THSD7B: variants seen among roughly 807,000 people sequenced by gnomAD.
The protein encoded by THSD7B is thrombospondin type 1 domain containing 7B.
In THSD7B, 138 loss-of-function variants were observed where a neutral mutation model predicts 213.6. The observed-to-expected ratio is 0.65, with a 90% CI of 0.56 to 0.74. The LOEUF (loss-of-function observed/expected upper bound fraction) is 0.74. Among genes scored for constraint, THSD7B ranks in the 30% least tolerant of loss-of-function variants. THSD7B has a pLI of 0.00. For synonymous variants in THSD7B, 742 were observed against 687.0 expected (o/e 1.08, Z -1.25); for missense variants, 1,931 against 1,991.5 (o/e 0.97, Z 0.58).
chr2:137,430,310 C>A (rs1224396228), intron 14 of THSD7B, among the ~76,000 whole-genome samples: 1 of 152,020 alleles, frequency 6.6e-6, no homozygotes, highest in Non-Finnish European at 1.5e-5. Context: ...TAAGCATAAC[C>A]TTATGCTTAC....
At chr2:136,934,752 C>T (rs1037453813) in intron 2 of THSD7B, among the ~76,000 whole-genome samples, 3 of 152,096 alleles carry the variant, frequency 2.0e-5, no homozygotes, top group Admixed American at 6.5e-5. Context: ...TGTAGTGGAG[C>T]AACAATAGAT....
chr2:136,853,730 G>A (rs998998968), intron 1 of THSD7B, among the ~76,000 whole-genome samples: 1 of 152,150 alleles, frequency 6.6e-6, no homozygotes, highest in Non-Finnish European at 1.5e-5. Flanking sequence ...ATTGCCAAAT[G>A]GTGATTACCT....
At chr2:137,315,371 C>A (rs1403649245) in intron 12 of THSD7B, among the ~76,000 whole-genome samples, 2 of 152,162 alleles carry the variant, frequency 1.3e-5, no homozygotes, top group Non-Finnish European at 2.9e-5. Context: ...TCGGCTCATG[C>A]ACAGTGCGCG....
chr2:137,013,210 A>G (rs541022745), intron 2 of THSD7B, among the ~76,000 whole-genome samples: 1 of 152,344 alleles, frequency 6.6e-6, no homozygotes, highest in South Asian at 2.1e-4. Context: ...TTACTCTCTT[A>G]GCTGAAACAA....
chr2:137,244,736 G>A (rs1379089250), intron 10 of THSD7B, among the ~76,000 whole-genome samples: 3 of 151,948 alleles, frequency 2.0e-5, no homozygotes, highest in African/African-American at 7.3e-5. Context: ...GACCTACAGA[G>A]GCAAAGATTC....
chr2:137,128,797 G>A (rs190217386), intron 5 of THSD7B, among the ~76,000 whole-genome samples: 34 of 152,278 alleles, frequency 2.2e-4, no homozygotes, highest in African/African-American at 8.2e-4. Context: ...TTACTCACTA[G>A]TCTAATTTCT....
intron 2 of THSD7B, among the ~76,000 whole-genome samples, chr2:137,032,380 A>G (rs1185879883): frequency 6.6e-6 from 1 of 152,192 alleles, no homozygotes; most frequent in Admixed American, 6.5e-5. Context: ...ATCTCTGTAT[A>G]TACTTGCAAC....
At chr2:137,002,879 G>T (rs1686027799) in intron 2 of THSD7B, among the ~76,000 whole-genome samples, 2 of 152,176 alleles carry the variant, frequency 1.3e-5, no homozygotes, top group African/African-American at 2.4e-5. Flanking sequence ...ATACCAAGTA[G>T]ATTTTATTTA....
intron 2 of THSD7B, among the ~76,000 whole-genome samples, chr2:136,885,018 T>C (rs974718335): frequency 6.6e-6 from 1 of 152,134 alleles, no homozygotes; most frequent in African/African-American, 2.4e-5. Context: ...TACGGATGAG[T>C]TTAGTGTATT....
At chr2:137,474,704 A>G (rs1018884347) in intron 15 of THSD7B, among the ~76,000 whole-genome samples, 1 of 152,200 alleles carries the variant, frequency 6.6e-6, no homozygotes, top group Non-Finnish European at 1.5e-5. Context: ...ATGGAATCCA[A>G]TAGTCGTCCC....
At chr2:136,905,486 A>G (rs894239384) in intron 2 of THSD7B, among the ~76,000 whole-genome samples, 1 of 152,230 alleles carries the variant, frequency 6.6e-6, no homozygotes, top group African/African-American at 2.4e-5. Context: ...TATAATAGCT[A>G]TGTATACTAA....
chr2:136,999,541 C>T (rs1270452903), intron 2 of THSD7B, among the ~76,000 whole-genome samples: 1 of 150,458 alleles, frequency 6.6e-6, no homozygotes, highest in Non-Finnish European at 1.5e-5. Context: ...CTGAATTCAC[C>T]CTCGGAATTT....
intron 2 of THSD7B, among the ~76,000 whole-genome samples, chr2:136,883,743 G>T (rs1416554534): frequency 6.6e-6 from 1 of 152,082 alleles, no homozygotes. Context: ...GGAACAAGAT[G>T]GTAAAAACAA....
chr2:136,966,852 A>G (rs572514537), intron 2 of THSD7B, among the ~76,000 whole-genome samples: 5 of 152,302 alleles, frequency 3.3e-5, no homozygotes, highest in East Asian at 3.9e-4. Flanking sequence ...GTTCCAAGAT[A>G]TAGCTCAAAA....
intron 12 of THSD7B, among the ~76,000 whole-genome samples, chr2:137,370,472 G>A (rs978380279): frequency 1.3e-5 from 2 of 151,930 alleles, no homozygotes; most frequent in African/African-American, 4.8e-5. Context: ...GAATGATAAG[G>A]GTTTTGTTTT....
intron 1 of THSD7B, among the ~76,000 whole-genome samples, chr2:136,880,729 C>G (rs1031821364): frequency 6.6e-6 from 1 of 152,126 alleles, no homozygotes; most frequent in African/African-American, 2.4e-5. Flanking sequence ...TATGACTTCT[C>G]AAGTCTCTCC....
chr2:137,372,958 TG>T (rs1685564994), intron 12 of THSD7B, among the ~76,000 whole-genome samples: 1 of 151,456 alleles, frequency 6.6e-6, no homozygotes, highest in African/African-American at 2.4e-5. Flanking sequence ...TTTGGTTTTT[TG>T]TTCTTGCGAT....
chr2:137,334,110 G>A (rs1684580143), intron 12 of THSD7B, among the ~76,000 whole-genome samples: 1 of 152,112 alleles, frequency 6.6e-6, no homozygotes, highest in African/African-American at 2.4e-5. Context: ...TTGCAGACAG[G>A]ACAGATTTGA....
At chr2:136,931,867 G>A (rs999761386) in intron 2 of THSD7B, among the ~76,000 whole-genome samples, 1 of 152,010 alleles carries the variant, frequency 6.6e-6, no homozygotes, top group Non-Finnish European at 1.5e-5. Context: ...TTTAATAGAT[G>A]GAGAAAACAA....
Sources: gnomAD v4.1 joint callset for allele counts (sites outside exome capture counted in the v4.1 genomes callset) on GRCh38, gnomAD v4.1.1 for gene constraint, MANE v1.5 for transcripts, NCBI Gene and HGNC (gene_info 2026-07-23, HGNC 2026-07-21) for gene names.